TOM1: variants seen among roughly 807,000 people sequenced by gnomAD.
TOM1 encodes the protein target of myb1 membrane trafficking protein, also known as target of Myb protein 1.
Under a neutral mutation model 61.3 loss-of-function variants are expected in TOM1, and 38 were observed. The observed-to-expected ratio is 0.62, with a 90% CI of 0.48 to 0.81. The LOEUF is 0.81. Ranked by LOEUF, TOM1 falls within the 40% of genes least tolerant of loss-of-function variation. The probability of loss-of-function intolerance (pLI) is 0.00; values close to 1 mark genes in which losing one functional copy is unlikely to be tolerated. For synonymous variants in TOM1, 270 were observed against 268.8 expected (o/e 1.00, Z -0.04); for missense variants, 591 against 659.6 (o/e 0.90, Z 1.14).
chr22:35,315,244 G>A (rs1198024139), intron 1 of TOM1, among the ~76,000 whole-genome samples: 1 of 152,144 alleles, frequency 6.6e-6, no homozygotes, highest in Admixed American at 6.5e-5. Flanking sequence ...TTTGGGAGCT[G>A]ACTTGGCAGG....
At chr22:35,300,330 G>T (rs1170153860) in intron 1 of TOM1, among the ~76,000 whole-genome samples, 2 of 152,236 alleles carry the variant, frequency 1.3e-5, no homozygotes, top group African/African-American at 4.8e-5. Flanking sequence ...GGGCCACTCT[G>T]CTGGGTCCCG....
Position 35,346,965 on chromosome 22 carries a change from C to T in TOM1, c.1320C>T (p.Ser440=), listed in dbSNP as rs147723349. Residue 440 remains serine (S), a synonymous_variant, in exon 14 of 15, where the codon AGC becomes AGT. Transcript: ENST00000449058. ...CGGAAGAGCCTAAGGGGGTCACCAG[C>T]GAAGGTAGTAGTCCCCGCCCCTGCC... ...NDAEEPKGVT[S]EEFDKFLEER... is the part of the protein sequence containing the mutation. 19 of 1,612,690 alleles carry T rather than the reference C, an allele frequency of 1.2e-5. No homozygotes were observed. Among genetic ancestry groups the T allele is most frequent in the South Asian group, 7.7e-5 (7 of 91,030 alleles).
intron 1 of TOM1, among the ~76,000 whole-genome samples, chr22:35,316,307 T>A (rs1927272148): frequency 6.6e-6 from 1 of 151,982 alleles, no homozygotes; most frequent in South Asian, 2.1e-4. Flanking sequence ...CCAGCCAGAG[T>A]GATGTGTGTA....
chr22:35,346,351 C>G (rs1284630379), intron 13 of TOM1, among the ~76,000 whole-genome samples: 1 of 152,254 alleles, frequency 6.6e-6, no homozygotes, highest in African/African-American at 2.4e-5. Flanking sequence ...GGCACCAAGG[C>G]CCACATGGGC....
intron 1 of TOM1, among the ~76,000 whole-genome samples, chr22:35,312,529 G>A (rs79723408): frequency 0.026 from 3,970 of 152,322 alleles, 174 homozygotes; most frequent in African/African-American, 0.09. Flanking sequence ...AGACTTCTCT[G>A]GCTTTGAATC....
rs1264330127 is a variant in TOM1 at position 35,347,439 on chromosome 22, C to T, written c.*230C>T. The T allele has an allele frequency of 6.6e-6, 3 of 455,428 alleles. No individual in the cohort carries two copies. The highest frequency in any genetic ancestry group is 3.9e-5 in the Admixed American group (1 of 25,816). 28.2% of individuals were successfully genotyped at this position (455,428 alleles called of 1,614,324 possible). Reference sequence around the variant, plus strand: ...GGGATCTGGCTGCTCTGCCTCCTTTCCCACCCCAGCTGACCATGAGACTTT... The same window carrying T: ...GGGATCTGGCTGCTCTGCCTCCTTTTCCACCCCAGCTGACCATGAGACTTT... On this transcript the variant is annotated 3_prime_UTR_variant, in exon 15 of 15. Transcript: ENST00000449058.
In TOM1 at chr22:35,327,282, G is replaced by A; in HGVS notation, c.660G>A (p.Leu220=). Residue 220 remains leucine (L), a synonymous_variant, in exon 7 of 15, where the codon CTG becomes CTA. Transcript: ENST00000449058. ...IAPTPEQIGK[L]RSELEMVSGN... Reference sequence around the variant, plus strand: ...ACTGTGTGTTTCAGATTGGGAAGCTGCGCAGTGAGCTGGAGATGGTGAGTG... The same window carrying A: ...ACTGTGTGTTTCAGATTGGGAAGCTACGCAGTGAGCTGGAGATGGTGAGTG... The A allele has an allele frequency of 6.2e-7, 1 of 1,614,018 alleles. No homozygotes were observed. The highest frequency in any genetic ancestry group is 8.5e-7 in the Non-Finnish European group (1 of 1,179,954).
chr22:35,326,825 A>T (rs1824558022), intron 6 of TOM1, among the ~76,000 whole-genome samples: 1 of 150,722 alleles, frequency 6.6e-6, no homozygotes, highest in African/African-American at 2.5e-5. Context: ...AGAGGGGGGG[A>T]TCCCAGTCTT....
chr22:35,315,804 C>G (rs1927229640), intron 1 of TOM1, among the ~76,000 whole-genome samples: 1 of 152,226 alleles, frequency 6.6e-6, no homozygotes. Flanking sequence ...GCAGAAACTG[C>G]CCTCCTCTGT....
chr22:35,317,953 G>T lies in TOM1; in HGVS notation c.129G>T (p.Thr43=), dbSNP rs772912853. The change falls in exon 2 of 15, where the codon ACG becomes ACT. Residue 43 remains threonine, a synonymous_variant. Coordinates refer to ENST00000449058, the MANE Select transcript of TOM1 (RefSeq NM_005488.3). The part of the protein sequence containing the change: ...NMEICDIINE[T]EEGPKDALRA... ...AGATCTGCGACATCATCAACGAGACGGAGGAAGGGTAAGGGCCCCCCAAGG... is the reference window on the plus strand; with the variant it reads ...AGATCTGCGACATCATCAACGAGACTGAGGAAGGGTAAGGGCCCCCCAAGG... 6.2e-7 allele frequency: 1 copy of T among 1,613,906 alleles called. No homozygotes were observed. Among genetic ancestry groups the T allele is most frequent in the Non-Finnish European group, 8.5e-7 (1 of 1,179,916 alleles).
chr22:35,299,789 G>T, upstream of TOM1: 1 of 944,586 alleles, frequency 1.1e-6, no homozygotes, highest in Non-Finnish European at 1.6e-6. Flanking sequence ...CTCAGGGCGG[G>T]GCTTGTGGTC....
chr22:35,313,863 G>A lies in TOM1; in HGVS notation c.53-4014G>A, dbSNP rs756997167. 1.1e-4 allele frequency among the ~76,000 whole-genome samples: 16 copies of A among 152,222 alleles called. 2 individuals carry two copies. Among genetic ancestry groups the A allele is most frequent in the South Asian group, 6.2e-4 (3 of 4,834 alleles). On this transcript the variant is annotated intron_variant, in intron 1 of 14. Coordinates refer to ENST00000449058, the MANE Select transcript of TOM1 (RefSeq NM_005488.3). ...TGACAGGTGGAGGATTGCAGGGCCC[G>A]GTTCTGTCAGGAGCTGGAAGACAAG...
Position 35,323,798 on chromosome 22 carries a change from C to G in TOM1, c.532C>G (p.Gln178Glu). The change falls in exon 6 of 15, where the codon CAG becomes GAG. Residue 178 changes from glutamine to glutamate, a missense_variant. By Grantham distance (29) the Gln-to-Glu change is conservative. Transcript: ENST00000449058. The surrounding 1 kb of genome is among the most constrained non-coding windows in gnomAD (Gnocchi z 4.2). ...GTTCAACTCAGAGACACAATCAGGA[C>G]AGGATTCTGTGGGCACTGACTCCAG... ...TVFNSETQSG[Q>E]DSVGTDSSQQ... is the part of the protein sequence containing the mutation. 1 of 1,612,668 alleles carries G rather than the reference C, an allele frequency of 6.2e-7. No individual in the cohort carries two copies. Among genetic ancestry groups the G allele is most frequent in the Non-Finnish European group, 8.5e-7 (1 of 1,179,258 alleles).
At chr22:35,343,237 T>C (rs1460195700) in intron 12 of TOM1, among the ~76,000 whole-genome samples, 4 of 95,282 alleles carry the variant, frequency 4.2e-5, no homozygotes, top group African/African-American at 1.3e-4. Context: ...CACACACATC[T>C]ACACCCACCA....
intron 10 of TOM1, 21 bp from the exon 11 acceptor site, chr22:35,334,307 G>A (rs372382571): frequency 7.0e-5 from 113 of 1,603,038 alleles, no homozygotes; most frequent in Admixed American, 3.5e-4. Context: ...GGTCTTTCAC[G>A]TGGCCTTTCT....
intron 1 of TOM1, 88 bp downstream of exon 1, chr22:35,300,068 G>T: frequency 1.4e-6 from 2 of 1,459,322 alleles, no homozygotes; most frequent in African/African-American, 2.8e-5. Context: ...CCTAGTCACG[G>T]AGGCAGGGAG....
Position 35,317,905 on chromosome 22 carries a change from C to A in TOM1, c.81C>A (p.Ser27Arg). Reference sequence around the variant, plus strand: ...AAGCCACAGATGGCTCCCTGCAGAGCGAGGACTGGGCCCTCAACATGGAGA... The same window carrying A: ...AAGCCACAGATGGCTCCCTGCAGAGAGAGGACTGGGCCCTCAACATGGAGA... ...IEKATDGSLQ[S>R]EDWALNMEIC... The change falls in exon 2 of 15, where the codon AGC becomes AGA. Residue 27 changes from serine to arginine, a missense_variant. Ser to Arg is a moderately radical substitution (Grantham distance 110). Transcript: ENST00000449058. The A allele has an allele frequency of 1.2e-6, 2 of 1,614,138 alleles. No homozygotes were observed. The highest frequency in any genetic ancestry group is 4.5e-5 in the East Asian group (2 of 44,884).
chr22:35,345,763 G>T lies in TOM1; in HGVS notation c.1263G>T (p.Glu421Asp), dbSNP rs1930450554. 2.5e-6 allele frequency: 4 copies of T among 1,614,112 alleles called. No individual in the cohort carries two copies. The highest frequency in any genetic ancestry group is 3.4e-6 in the Non-Finnish European group (4 of 1,180,020). The change falls in exon 13 of 15, where the codon GAG becomes GAT. Residue 421 changes from glutamate (E) to aspartate (D), a missense_variant. Coordinates refer to ENST00000449058, the MANE Select transcript of TOM1 (RefSeq NM_005488.3). ...VTQACLMEDI[E>D]QWLSTDVGND... ...AGGCCTGCCTCATGGAGGACATCGA[G>T]CAGTGGCTGTCCACTGACGTGGTAT...
intron 12 of TOM1, among the ~76,000 whole-genome samples, chr22:35,341,103 G>T (rs997004642): frequency 7.2e-5 from 11 of 152,202 alleles, no homozygotes; most frequent in African/African-American, 2.7e-4. Context: ...ATCATTTGCT[G>T]AGCCTGTGCT....
Sources: gnomAD v4.1 joint callset for allele counts (sites outside exome capture counted in the v4.1 genomes callset) on GRCh38, gnomAD v4.1.1 for gene constraint, Gnocchi (gnomAD v3.1) non-coding constraint, MANE v1.5 for transcripts, NCBI Gene and HGNC (gene_info 2026-07-23, HGNC 2026-07-21) for gene names.